PID1: variants seen among roughly 807,000 people sequenced by gnomAD.
PID1 encodes phosphotyrosine interaction domain containing 1.
A neutral mutation model predicts 19.1 loss-of-function variants in PID1; 10 were observed. The observed-to-expected ratio is 0.52, with a 90% CI of 0.32 to 0.89. The LOEUF is 0.89. Among genes scored for constraint, PID1 ranks in the 40% least tolerant of loss-of-function variants. The pLI, the probability that PID1 is intolerant of heterozygous loss-of-function variation, is 0.03. For missense variants in PID1, 248 were observed against 285.3 expected (o/e 0.87, Z 0.94); for synonymous variants, 130 against 116.0 (o/e 1.12, Z -0.78).
At chr2:229,238,729 AG>A (rs1175311576) in intron 1 of PID1, among the ~76,000 whole-genome samples, 1 of 152,098 alleles carries the variant, frequency 6.6e-6, no homozygotes, top group Non-Finnish European at 1.5e-5. Flanking sequence ...AGACATGGGC[AG>A]GGATAAGAGG....
intron 1 of PID1, among the ~76,000 whole-genome samples, chr2:229,206,516 T>A (rs1691611948): frequency 6.6e-6 from 1 of 152,200 alleles, no homozygotes; most frequent in Non-Finnish European, 1.5e-5. Flanking sequence ...AACCTCTTCA[T>A]GATCAAAACA....
At chr2:229,063,791 A>T (rs1186418740) in intron 2 of PID1, among the ~76,000 whole-genome samples, 1 of 152,128 alleles carries the variant, frequency 6.6e-6, no homozygotes. Context: ...ATAACTTTAT[A>T]TACTTATATA....
At chr2:229,061,080 T>C (rs1029529072) in intron 2 of PID1, among the ~76,000 whole-genome samples, 1 of 152,142 alleles carries the variant, frequency 6.6e-6, no homozygotes, top group Non-Finnish European at 1.5e-5. Context: ...ATTCTACTGA[T>C]TGTTTACCTT....
Position 229,170,417 on chromosome 2 carries a change from T to C in PID1, c.31-14453A>G, listed in dbSNP as rs902387906. Among the ~76,000 whole-genome samples the C allele has an allele frequency of 2.6e-5, 4 of 152,174 alleles. No homozygotes were observed. In the South Asian group the frequency reaches 8.3e-4, roughly 32 times the overall value. ...GCAACATTTCCCCCCACAATGTACA[T>C]TAAGTACATAGAAGAGTAACTGGCA... On this transcript the variant is annotated intron_variant, in intron 1 of 2. Transcript: ENST00000392055.
intron 1 of PID1, among the ~76,000 whole-genome samples, chr2:229,190,631 G>A (rs1255881603): frequency 1.3e-5 from 2 of 152,200 alleles, no homozygotes; most frequent in African/African-American, 2.4e-5. Context: ...CTGTTTTATC[G>A]GTCTATCTAC....
At chr2:229,050,413 T>A (rs1693970233) in intron 2 of PID1, among the ~76,000 whole-genome samples, 1 of 152,222 alleles carries the variant, frequency 6.6e-6, no homozygotes, top group Non-Finnish European at 1.5e-5. Flanking sequence ...GCAAACCCCT[T>A]GTTCTGTGGT....
intron 1 of PID1, among the ~76,000 whole-genome samples, chr2:229,220,185 A>C (rs1691936518): frequency 6.6e-6 from 1 of 152,088 alleles, no homozygotes; most frequent in Non-Finnish European, 1.5e-5. Context: ...ATGCCCATCT[A>C]ATTTCCTATT....
At chr2:229,072,582 C>T (rs907333891) in intron 2 of PID1, among the ~76,000 whole-genome samples, 13 of 142,766 alleles carry the variant, frequency 9.1e-5, no homozygotes, top group East Asian at 2.2e-4. Context: ...AGTGAGACTC[C>T]GTCTCAAAAA....
At chr2:229,090,116 C>A (rs1194357613) in intron 2 of PID1, among the ~76,000 whole-genome samples, 1 of 152,098 alleles carries the variant, frequency 6.6e-6, no homozygotes, top group East Asian at 1.9e-4. Flanking sequence ...TCATATCTCC[C>A]TAAAATAAAG....
chr2:229,149,198 T>C (rs186072887), intron 2 of PID1, among the ~76,000 whole-genome samples: 3 of 151,974 alleles, frequency 2.0e-5, no homozygotes, highest in African/African-American at 7.2e-5. Context: ...GAAAGAGCTG[T>C]AGAGATGCAT....
intron 2 of PID1, among the ~76,000 whole-genome samples, chr2:229,121,468 G>A (rs1411282153): frequency 6.6e-6 from 1 of 152,202 alleles, no homozygotes; most frequent in Non-Finnish European, 1.5e-5. Flanking sequence ...ACTCAATTTT[G>A]TTCTGACCAT....
intron 1 of PID1, among the ~76,000 whole-genome samples, chr2:229,239,090 T>C (rs1225171450): frequency 3.9e-5 from 6 of 151,974 alleles, no homozygotes; most frequent in Non-Finnish European, 7.4e-5. Context: ...ATGATTTAAG[T>C]TTTTTCTTAC....
chr2:229,236,354 G>C (rs576612442), intron 1 of PID1: 1 of 152,278 alleles, frequency 6.6e-6, no homozygotes, highest in Admixed American at 6.5e-5. Context: ...ACTTGCAAGA[G>C]ATTTGGAGAG....
chr2:229,200,512 G>A lies in PID1; in HGVS notation c.31-44548C>T, dbSNP rs528554044. 1.1e-4 allele frequency among the ~76,000 whole-genome samples: 16 copies of A among 151,968 alleles called. No homozygotes were observed. In the South Asian group the frequency reaches 1.5e-3, roughly 14 times the overall value. ...AATCTCCATGTATCATATATCCCACGGTAGCATAATTGTGAGCAACTGTAT... is the reference window on the plus strand; with the variant it reads ...AATCTCCATGTATCATATATCCCACAGTAGCATAATTGTGAGCAACTGTAT... On this transcript the variant is annotated intron_variant, in intron 1 of 2. Coordinates refer to ENST00000392055, the MANE Select transcript of PID1 (RefSeq NM_001100818.2).
intron 1 of PID1, among the ~76,000 whole-genome samples, chr2:229,233,200 C>T (rs1037208379): frequency 2.0e-5 from 3 of 152,094 alleles, no homozygotes; most frequent in South Asian, 2.1e-4. Flanking sequence ...AATTGCCTTA[C>T]GTCTTTCATA....
chr2:229,150,348 G>A (rs773420905), intron 2 of PID1, among the ~76,000 whole-genome samples: 2 of 152,068 alleles, frequency 1.3e-5, no homozygotes, highest in African/African-American at 4.8e-5. Flanking sequence ...CAGGGGCCAG[G>A]AGAAGCAACC....
intron 1 of PID1, among the ~76,000 whole-genome samples, chr2:229,210,354 T>C (rs1691701585): frequency 6.6e-6 from 1 of 150,698 alleles, no homozygotes. Context: ...CTATTAAAAA[T>C]ACAAAAGAAT....
chr2:229,193,476 C>T (rs1487253256), intron 1 of PID1, among the ~76,000 whole-genome samples: 2 of 152,154 alleles, frequency 1.3e-5, no homozygotes, highest in African/African-American at 4.8e-5. Flanking sequence ...AACCCAAATT[C>T]AAGAGGAGTG....
chr2:229,132,286 AG>A, intron 2 of PID1, among the ~76,000 whole-genome samples: 1 of 152,326 alleles, frequency 6.6e-6, no homozygotes, highest in East Asian at 1.9e-4. Flanking sequence ...GACATCAGGA[AG>A]AAGGGGTCCC....
Sources: allele counts gnomAD v4.1 joint callset (sites outside exome capture counted in the v4.1 genomes callset), GRCh38; gene constraint gnomAD v4.1.1; transcripts MANE v1.5; gene names NCBI Gene and HGNC (gene_info 2026-07-23, HGNC 2026-07-21).